NR3C1: variants seen among roughly 807,000 people sequenced by gnomAD.
The protein encoded by NR3C1 is glucocorticoid receptor.
NR3C1 carries 14 observed loss-of-function variants against 74.0 expected under a neutral mutation model. The observed-to-expected ratio is 0.19, with a 90% confidence interval of 0.12 to 0.30. NR3C1 has a LOEUF of 0.30. Ranked by LOEUF, NR3C1 falls within the 10% of genes least tolerant of loss-of-function variation. NR3C1 has a pLI of 1.00. For synonymous variants in NR3C1, 308 were observed against 332.5 expected (o/e 0.93, Z 0.80); for missense variants, 695 against 909.8 (o/e 0.76, Z 3.04).
chr5:143,411,066 T>C (rs1042491971), intron 1 of NR3C1, among the ~76,000 whole-genome samples: 2 of 152,228 alleles, frequency 1.3e-5, no homozygotes, highest in African/African-American at 4.8e-5. Flanking sequence ...ATTTTACTAT[T>C]ATCTATGTTC....
intron 2 of NR3C1, among the ~76,000 whole-genome samples, chr5:143,333,540 C>A (rs1314985503): frequency 1.3e-5 from 2 of 152,040 alleles, no homozygotes; most frequent in Middle Eastern, 6.8e-3. Context: ...GAGGCCAAGG[C>A]GGGCAGACCA....
At chr5:143,418,242 A>G (rs757348604) in intron 1 of NR3C1, among the ~76,000 whole-genome samples, 4 of 152,276 alleles carry the variant, frequency 2.6e-5, no homozygotes, top group Non-Finnish European at 5.9e-5. Flanking sequence ...TTATTTACTT[A>G]TATCAGTGCC....
At chr5:143,403,784 C>T (rs1840814630), upstream of NR3C1, 1 of 982,648 alleles carries the variant, frequency 1.0e-6, no homozygotes, top group African/African-American at 1.8e-5. Context: ...AACGATGCAA[C>T]CTGTTGGTGA....
chr5:143,366,871 T>TA (rs1292169640), intron 2 of NR3C1, among the ~76,000 whole-genome samples: 1 of 152,170 alleles, frequency 6.6e-6, no homozygotes, highest in Non-Finnish European at 1.5e-5. Context: ...ACCAAATGTT[T>TA]AAAGAACAAT....
At chr5:143,416,783 A>G (rs1345020238) in intron 1 of NR3C1, among the ~76,000 whole-genome samples, 2 of 152,200 alleles carry the variant, frequency 1.3e-5, no homozygotes, top group African/African-American at 4.8e-5. Context: ...TTGAATGTCT[A>G]AAAATAAACT....
chr5:143,309,611 A>C (rs1379539757), intron 4 of NR3C1, among the ~76,000 whole-genome samples: 1 of 151,504 alleles, frequency 6.6e-6, no homozygotes, highest in Non-Finnish European at 1.5e-5. Context: ...AACAAAACCC[A>C]TCCAGTTCTT....
At chr5:143,427,075 A>T (rs1039284363) in intron 1 of NR3C1, among the ~76,000 whole-genome samples, 7 of 152,136 alleles carry the variant, frequency 4.6e-5, no homozygotes, top group Non-Finnish European at 7.4e-5. Flanking sequence ...ACTAGCCCCA[A>T]TGAACTCCCC....
chr5:143,318,956 C>A (rs1352292610), intron 2 of NR3C1, among the ~76,000 whole-genome samples: 1 of 152,052 alleles, frequency 6.6e-6, no homozygotes, highest in Non-Finnish European at 1.5e-5. Context: ...TACTAAGATG[C>A]CAACAGTTTT....
intron 2 of NR3C1, among the ~76,000 whole-genome samples, chr5:143,359,496 A>G (rs1043458844): frequency 6.6e-6 from 1 of 152,208 alleles, no homozygotes; most frequent in African/African-American, 2.4e-5. Flanking sequence ...TCCTTCTGCC[A>G]CTCATGAATC....
chr5:143,405,048 C>T (rs10482603), upstream of NR3C1: 7,290 of 868,340 alleles, frequency 8.4e-3, 71 homozygotes, highest in South Asian at 0.038. Context: ...AGGAGAGGGC[C>T]GTGGGGCGAG....
chr5:143,291,428 G>T (rs550506574), intron 7 of NR3C1, among the ~76,000 whole-genome samples: 2 of 152,122 alleles, frequency 1.3e-5, no homozygotes, highest in African/African-American at 4.8e-5. Flanking sequence ...GTTTTACCAC[G>T]TAAGCCAGGA....
chr5:143,412,104 T>A (rs1841312702), intron 1 of NR3C1, among the ~76,000 whole-genome samples: 1 of 151,880 alleles, frequency 6.6e-6, no homozygotes, highest in Non-Finnish European at 1.5e-5. Context: ...TTGAATGGGG[T>A]GAGTGCATAG....
intron 2 of NR3C1, among the ~76,000 whole-genome samples, chr5:143,393,386 A>G (rs1056051382): frequency 1.3e-5 from 2 of 152,198 alleles, no homozygotes; most frequent in Non-Finnish European, 1.5e-5. Context: ...ATTCAAACAC[A>G]GTTGTAAAGA....
chr5:143,285,352 A>C (rs1308470430), intron 7 of NR3C1, among the ~76,000 whole-genome samples: 1 of 152,136 alleles, frequency 6.6e-6, no homozygotes, highest in Non-Finnish European at 1.5e-5. Flanking sequence ...CTCCAAGGGG[A>C]TATTTGGCAA....
intron 1 of NR3C1, 33 bp from the exon 2 acceptor site, chr5:143,400,885 C>T: frequency 6.7e-7 from 1 of 1,498,162 alleles, no homozygotes; most frequent in Non-Finnish European, 9.2e-7. Context: ...GGGGGGAAAA[C>T]ATCATAAGCT....
At chr5:143,413,029 T>C (rs1841348946) in intron 1 of NR3C1, among the ~76,000 whole-genome samples, 2 of 152,310 alleles carry the variant, frequency 1.3e-5, no homozygotes, top group East Asian at 3.9e-4. Context: ...CAAAATACAA[T>C]TCCTTCAACA....
In NR3C1 at chr5:143,399,276, A is replaced by G. The variant is rs543528079; in HGVS notation, c.1184+380T>C. Reference sequence around the variant, plus strand: ...AAGTAAGGGTATCATTTATTGTAATATAAGAACATATTCTAAAACAGCTGA... The same window carrying G: ...AAGTAAGGGTATCATTTATTGTAATGTAAGAACATATTCTAAAACAGCTGA... On this transcript the variant is annotated intron_variant, in intron 2 of 8. Coordinates refer to ENST00000394464, the MANE Select transcript of NR3C1 (RefSeq NM_000176.3). 2.0e-5 allele frequency among the ~76,000 whole-genome samples: 3 copies of G among 152,366 alleles called. No homozygotes were observed. In the South Asian group the frequency reaches 6.2e-4, roughly 32 times the overall value.
chr5:143,305,733 A>AG (rs773765817), intron 4 of NR3C1, among the ~76,000 whole-genome samples: 3 of 152,094 alleles, frequency 2.0e-5, no homozygotes, highest in African/African-American at 7.2e-5. Context: ...GAAATACAAG[A>AG]GGGGGGATAG....
At chr5:143,356,291 G>C in intron 2 of NR3C1, among the ~76,000 whole-genome samples, 1 of 152,060 alleles carries the variant, frequency 6.6e-6, no homozygotes, top group East Asian at 1.9e-4. Flanking sequence ...GACTGAAGTT[G>C]ATTTAAATTG....
Sources: gnomAD v4.1 joint callset for allele counts (sites outside exome capture counted in the v4.1 genomes callset) on GRCh38, gnomAD v4.1.1 for gene constraint, MANE v1.5 for transcripts, NCBI Gene and HGNC (gene_info 2026-07-23, HGNC 2026-07-21) for gene names.